GRIK1: variants seen among roughly 807,000 people sequenced by gnomAD.
GRIK1 encodes the protein glutamate ionotropic receptor kainate type subunit 1.
In GRIK1, 69 loss-of-function variants were observed where a neutral mutation model predicts 105.7. The observed-to-expected ratio is 0.65, with a 90% CI of 0.54 to 0.80. GRIK1 has a LOEUF of 0.80. Among genes scored for constraint, GRIK1 ranks in the 30% least tolerant of loss-of-function variants. The pLI, the probability that GRIK1 is intolerant of heterozygous loss-of-function variation, is 0.00. For synonymous variants in GRIK1, 438 were observed against 431.3 expected (o/e 1.02, Z -0.19); for missense variants, 1,109 against 1,167.3 (o/e 0.95, Z 0.73).
At chr21:29,720,108 C>A (rs1392346799) in intron 1 of GRIK1, among the ~76,000 whole-genome samples, 1 of 152,166 alleles carries the variant, frequency 6.6e-6, no homozygotes, top group Non-Finnish European at 1.5e-5. Flanking sequence ...AAAAGAAGAA[C>A]ATTATTTATC....
intron 1 of GRIK1, among the ~76,000 whole-genome samples, chr21:29,710,012 G>C (rs1390299849): frequency 6.6e-6 from 1 of 151,294 alleles, no homozygotes; most frequent in Non-Finnish European, 1.5e-5. Context: ...CATTATTTAT[G>C]GTTTGGAAGG....
At chr21:29,907,449 C>T (rs2070683715) in intron 1 of GRIK1, among the ~76,000 whole-genome samples, 1 of 151,984 alleles carries the variant, frequency 6.6e-6, no homozygotes, top group Non-Finnish European at 1.5e-5. Flanking sequence ...ACAGACGTGT[C>T]CCCCGAATCA....
chr21:29,859,901 T>C (rs982540399), intron 1 of GRIK1, among the ~76,000 whole-genome samples: 1 of 152,218 alleles, frequency 6.6e-6, no homozygotes, highest in African/African-American at 2.4e-5. Context: ...GAAATAATGA[T>C]ACGTAACTCA....
chr21:29,709,342 G>A (rs1318070296), intron 1 of GRIK1, among the ~76,000 whole-genome samples: 1 of 145,854 alleles, frequency 6.9e-6, no homozygotes, highest in East Asian at 2.0e-4. Flanking sequence ...GTGCCGTGGT[G>A]CAATCTCAAC....
At chr21:29,604,600 A>T (rs987820036) in intron 7 of GRIK1, among the ~76,000 whole-genome samples, 1 of 152,206 alleles carries the variant, frequency 6.6e-6, no homozygotes, top group South Asian at 2.1e-4. Context: ...ATATAATTAT[A>T]TTATCCATAA....
At chr21:29,918,264 T>C (rs1191056607) in intron 1 of GRIK1, among the ~76,000 whole-genome samples, 3 of 152,118 alleles carry the variant, frequency 2.0e-5, no homozygotes. Context: ...ACATTAATAA[T>C]GGCAGTTAAC....
At chr21:29,824,576 C>G (rs2067395275) in intron 1 of GRIK1, among the ~76,000 whole-genome samples, 1 of 151,872 alleles carries the variant, frequency 6.6e-6, no homozygotes, top group Non-Finnish European at 1.5e-5. Flanking sequence ...ACAGGGAGCT[C>G]AGTAAACAAA....
At chr21:29,862,219 C>T (rs1210442745) in intron 1 of GRIK1, among the ~76,000 whole-genome samples, 3 of 152,142 alleles carry the variant, frequency 2.0e-5, no homozygotes, top group Admixed American at 2.0e-4. Context: ...AACTCCTGGC[C>T]TCAAGCAACC....
chr21:29,744,012 TAC>T (rs915487187), intron 1 of GRIK1, among the ~76,000 whole-genome samples: 3 of 152,212 alleles, frequency 2.0e-5, no homozygotes, highest in African/African-American at 7.2e-5. Context: ...AAATAATCTG[TAC>T]AACAAACCCC....
At chr21:29,938,333 C>G (rs1602099275) in intron 1 of GRIK1, among the ~76,000 whole-genome samples, 1 of 152,228 alleles carries the variant, frequency 6.6e-6, no homozygotes, top group East Asian at 1.9e-4. Flanking sequence ...CATGTGATGT[C>G]ACAGCTTCTC....
intron 14 of GRIK1, among the ~76,000 whole-genome samples, chr21:29,574,200 A>G (rs772634890): frequency 5.4e-4 from 82 of 152,252 alleles, no homozygotes; most frequent in Non-Finnish European, 1.1e-3. Flanking sequence ...TTCTAAAAAC[A>G]TCTGGTCTGA....
chr21:29,782,995 T>A (rs2066165341), intron 1 of GRIK1, among the ~76,000 whole-genome samples: 1 of 152,206 alleles, frequency 6.6e-6, no homozygotes, highest in African/African-American at 2.4e-5. Context: ...ATTCTTGATG[T>A]GCAGTGTCAT....
chr21:29,588,923 A>C lies in GRIK1; in HGVS notation c.1485T>G (p.Asp495Glu). 6.2e-7 allele frequency: 1 copy of C among 1,608,528 alleles called. No individual in the cohort carries two copies. Among genetic ancestry groups the C allele is most frequent in the Non-Finnish European group, 8.5e-7 (1 of 1,174,888 alleles). The change falls in exon 11 of 18, where the codon GAT becomes GAG. Residue 495 changes from aspartate to glutamate, a missense_variant. Coordinates refer to ENST00000327783, the MANE Select transcript of GRIK1 (RefSeq NM_001330994.2). ...ATTTGCCATCGGGAACTAGTTTAAC[A>C]TCATAAATGAAACCCAGGATGTTTG... ...ELSNILGFIY[D>E]VKLVPDGKYG...
intron 1 of GRIK1, among the ~76,000 whole-genome samples, chr21:29,785,720 C>T (rs751614057): frequency 5.3e-5 from 8 of 152,082 alleles, no homozygotes; most frequent in Non-Finnish European, 1.2e-4. Context: ...GCTGCTGTAG[C>T]GAATGAACAG....
intron 5 of GRIK1, among the ~76,000 whole-genome samples, chr21:29,652,921 T>C (rs363576): frequency 3.3e-5 from 5 of 152,226 alleles, no homozygotes; most frequent in African/African-American, 9.6e-5. Context: ...TTTCCCAAGA[T>C]ATATTTGGAT....
At chr21:29,592,167 G>C (rs2061342924) in intron 9 of GRIK1, among the ~76,000 whole-genome samples, 1 of 152,218 alleles carries the variant, frequency 6.6e-6, no homozygotes, top group Non-Finnish European at 1.5e-5. Context: ...GCTGGGCAAA[G>C]AGTGCTTGTG....
intron 1 of GRIK1, among the ~76,000 whole-genome samples, chr21:29,920,907 C>A (rs1470360042): frequency 6.6e-6 from 1 of 152,164 alleles, no homozygotes; most frequent in African/African-American, 2.4e-5. Context: ...GGCTTCCGTT[C>A]ATACCATCTG....
intron 1 of GRIK1, among the ~76,000 whole-genome samples, chr21:29,876,112 A>ATATATGTGTG (rs142408189): frequency 2.7e-5 from 4 of 148,976 alleles, no homozygotes; most frequent in Non-Finnish European, 5.9e-5. Context: ...GGAGATAGAT[A>ATATATGTGTG]TGTGTGTGTG....
intron 7 of GRIK1, among the ~76,000 whole-genome samples, chr21:29,625,257 C>G (rs2062099154): frequency 6.6e-6 from 1 of 152,122 alleles, no homozygotes; most frequent in Non-Finnish European, 1.5e-5. Context: ...CAATCTTTCT[C>G]AAACTTGCAT....
Sources: gnomAD v4.1 joint callset for allele counts (sites outside exome capture counted in the v4.1 genomes callset) on GRCh38, gnomAD v4.1.1 for gene constraint, MANE v1.5 for transcripts, NCBI Gene and HGNC (gene_info 2026-07-23, HGNC 2026-07-21) for gene names.